The following CTNND2 variants were observed in gnomAD, a reference collection of about 807,000 sequenced individuals.
The protein encoded by CTNND2 is catenin delta 2, also known as catenin delta-2.
Under a neutral mutation model 144.4 loss-of-function variants are expected in CTNND2, and 22 were observed. That is an observed-to-expected ratio of 0.15 (90% CI 0.11 to 0.22). The LOEUF (loss-of-function observed/expected upper bound fraction) is 0.22. Among genes scored for constraint, CTNND2 ranks in the 10% least tolerant of loss-of-function variants. The pLI is 1.00. For missense variants in CTNND2, 1,353 were observed against 1,618.8 expected, an observed-to-expected ratio of 0.84 and a Z score of 2.82; for synonymous variants, 751 against 695.6, an observed-to-expected ratio of 1.08 and a Z score of -1.25.
chr5:11,468,530 C>G (rs1293363310), intron 3 of CTNND2, among the ~76,000 whole-genome samples: 1 of 152,170 alleles, frequency 6.6e-6, no homozygotes, highest in Non-Finnish European at 1.5e-5. Flanking sequence ...GTTCCCAGAT[C>G]TCTCTGTAGA....
At chr5:11,614,139 C>T (rs1780468887) in intron 2 of CTNND2, among the ~76,000 whole-genome samples, 1 of 152,096 alleles carries the variant, frequency 6.6e-6, no homozygotes, top group Non-Finnish European at 1.5e-5. Context: ...AGGTAACTTG[C>T]TTCTTACTAA....
chr5:11,422,267 TA>T (rs1260100860), intron 3 of CTNND2, among the ~76,000 whole-genome samples: 2 of 152,128 alleles, frequency 1.3e-5, no homozygotes, highest in Admixed American at 6.5e-5. Flanking sequence ...CTGTGATTTA[TA>T]AAAAAAGATG....
intron 18 of CTNND2, among the ~76,000 whole-genome samples, chr5:11,003,545 A>G (rs1443291799): frequency 1.3e-5 from 2 of 152,226 alleles, no homozygotes; most frequent in Non-Finnish European, 2.9e-5. Context: ...TATTTCAAGA[A>G]AAGGTATTAA....
intron 2 of CTNND2, among the ~76,000 whole-genome samples, chr5:11,653,070 CGTGTGTGTGTGTGTGTGTGTGTGT>C (rs58056553): frequency 2.8e-5 from 4 of 143,502 alleles, no homozygotes; most frequent in African/African-American, 5.3e-5. Flanking sequence ...GAACAAAATT[CGTGTGTGTGTGTGTGTGTGTGTGT>C]GTGTGTGTGT....
chr5:11,170,785 G>A (rs998050034), intron 11 of CTNND2, among the ~76,000 whole-genome samples: 2 of 152,216 alleles, frequency 1.3e-5, no homozygotes. Context: ...AAATACCTGA[G>A]ACTGGGTAAT....
chr5:11,764,408 T>C (rs562793824), intron 1 of CTNND2, among the ~76,000 whole-genome samples: 1 of 152,292 alleles, frequency 6.6e-6, no homozygotes, highest in East Asian at 1.9e-4. Context: ...TCCTGGCCCA[T>C]TGTGGGCATG....
At chr5:11,064,775 A>C (rs1381895074) in intron 16 of CTNND2, among the ~76,000 whole-genome samples, 3 of 152,246 alleles carry the variant, frequency 2.0e-5, no homozygotes, top group Non-Finnish European at 2.9e-5. Context: ...AGAATGCTTA[A>C]AGGAAAGTTA....
At chr5:11,737,815 C>T (rs1450031731) in intron 1 of CTNND2, among the ~76,000 whole-genome samples, 4 of 152,136 alleles carry the variant, frequency 2.6e-5, no homozygotes, top group Admixed American at 1.3e-4. Flanking sequence ...CTCTCTTCCC[C>T]TTTGCATACA....
intron 2 of CTNND2, among the ~76,000 whole-genome samples, chr5:11,668,449 GTTTGT>G (rs948680826): frequency 5.3e-5 from 8 of 152,178 alleles, no homozygotes; most frequent in Non-Finnish European, 1.2e-4. Flanking sequence ...TTGAGCAGTG[GTTTGT>G]AGTTCTCCTT....
intron 9 of CTNND2, among the ~76,000 whole-genome samples, chr5:11,250,916 T>A (rs1453517407): frequency 6.6e-6 from 1 of 152,144 alleles, no homozygotes; most frequent in Non-Finnish European, 1.5e-5. Context: ...ACACATAGTT[T>A]TGTTCGTGCA....
chr5:11,124,684 G>A (rs535016277), intron 12 of CTNND2, among the ~76,000 whole-genome samples: 3 of 152,206 alleles, frequency 2.0e-5, no homozygotes, highest in African/African-American at 7.2e-5. Flanking sequence ...ATACAGAAAC[G>A]GGTCACTGGC....
intron 10 of CTNND2, among the ~76,000 whole-genome samples, chr5:11,226,429 C>A (rs923269078): frequency 1.3e-5 from 2 of 152,154 alleles, no homozygotes; most frequent in East Asian, 1.9e-4. Flanking sequence ...GTGTATTAGT[C>A]CTTTTTCACA....
chr5:11,694,698 T>C (rs1268575002), intron 2 of CTNND2, among the ~76,000 whole-genome samples: 1 of 152,202 alleles, frequency 6.6e-6, no homozygotes, highest in African/African-American at 2.4e-5. Context: ...ATGGATTGTA[T>C]ATCCAACAGG....
chr5:11,303,686 G>A (rs1468243225), intron 9 of CTNND2, among the ~76,000 whole-genome samples: 1 of 152,136 alleles, frequency 6.6e-6, no homozygotes, highest in Non-Finnish European at 1.5e-5. Flanking sequence ...CCATGAGGAG[G>A]AAGTATGTGG....
chr5:11,191,393 C>T (rs1736229014), intron 11 of CTNND2, among the ~76,000 whole-genome samples: 1 of 152,226 alleles, frequency 6.6e-6, no homozygotes, highest in Admixed American at 6.5e-5. Context: ...AAACACCTGA[C>T]TCCCATAGAG....
At chr5:11,575,538 G>A (rs1455985683) in intron 2 of CTNND2, among the ~76,000 whole-genome samples, 2 of 152,058 alleles carry the variant, frequency 1.3e-5, no homozygotes, top group African/African-American at 4.8e-5. Flanking sequence ...TAGGAATAAT[G>A]TTTTTCAGAA....
rs546607035 is a variant in CTNND2 at position 11,820,786 on chromosome 5, G to A, written c.37+83031C>T. ...TTGAGTAAACTCTTTGAAACTTCAGGTACTGCAGGATGTGGGTTTTAAAAG... is the reference window on the plus strand; with the variant it reads ...TTGAGTAAACTCTTTGAAACTTCAGATACTGCAGGATGTGGGTTTTAAAAG... On this transcript the variant is annotated intron_variant, in intron 1 of 21. Transcript: ENST00000304623. 7.2e-5 allele frequency among the ~76,000 whole-genome samples: 11 copies of A among 152,274 alleles called. No individual in the cohort carries two copies. The South Asian group carries it at 2.3e-3, about 32-fold the overall frequency.
chr5:11,217,092 G>A (rs1739278564), intron 10 of CTNND2, among the ~76,000 whole-genome samples: 1 of 152,166 alleles, frequency 6.6e-6, no homozygotes, highest in Admixed American at 6.5e-5. Context: ...TGACTCAATG[G>A]TCAACTCACT....
chr5:11,256,536 T>A (rs1042491271), intron 9 of CTNND2, among the ~76,000 whole-genome samples: 2 of 152,190 alleles, frequency 1.3e-5, no homozygotes, highest in African/African-American at 2.4e-5. Flanking sequence ...ATAGTAGATA[T>A]TCAATGAACA....
Sources: gnomAD v4.1 joint callset for allele counts (sites outside exome capture counted in the v4.1 genomes callset) on GRCh38, gnomAD v4.1.1 for gene constraint, MANE v1.5 for transcripts, NCBI Gene and HGNC (gene_info 2026-07-23, HGNC 2026-07-21) for gene names.